ABCA6: variants seen among roughly 807,000 people sequenced by gnomAD.
ABCA6 encodes the protein ATP-binding cassette sub-family A member 6.
A neutral mutation model predicts 191.2 loss-of-function variants in ABCA6; 164 were observed. The ratio of observed to expected loss-of-function variants is 0.86; its 90% CI spans 0.76 to 0.98. The LOEUF (loss-of-function observed/expected upper bound fraction) is 0.98, where lower values mean the gene tolerates loss of function less well. Among genes scored for constraint, ABCA6 ranks in the 50% least tolerant of loss-of-function variants. The pLI, the probability that ABCA6 is intolerant of heterozygous loss-of-function variation, is 0.00. For synonymous variants in ABCA6, 636 were observed against 647.7 expected (o/e 0.98, Z 0.27); for missense variants, 1,958 against 1,894.1 (o/e 1.03, Z -0.63).
chr17:69,129,113 T>C (rs1298844713), intron 7 of ABCA6, among the ~76,000 whole-genome samples: 3 of 152,090 alleles, frequency 2.0e-5, no homozygotes, highest in Non-Finnish European at 4.4e-5. Flanking sequence ...GCTAAATTAA[T>C]GTAAGAAGGA....
intron 27 of ABCA6, among the ~76,000 whole-genome samples, chr17:69,088,789 T>A (rs1242501842): frequency 6.6e-6 from 1 of 152,168 alleles, no homozygotes; most frequent in African/African-American, 2.4e-5. Flanking sequence ...ACCTCTCGCT[T>A]TATCCCATGA....
chr17:69,091,227 A>G lies in ABCA6; in HGVS notation c.3444T>C (p.Asn1148=). 1 of 1,612,096 alleles carries G rather than the reference A, an allele frequency of 6.2e-7. No individual in the cohort carries two copies. Among genetic ancestry groups the G allele is most frequent in the Non-Finnish European group, 8.5e-7 (1 of 1,179,512 alleles). ...STIMFSITLI[N]HFDLSILITT... ...TAATCAATATACTTAGGTCAAAATG[A>G]TTGATTAAAGTGATGGAAAACATGA... The change falls in exon 26 of 39, where the codon AAT becomes AAC. Residue 1148 remains asparagine, a synonymous_variant. Transcript: ENST00000284425.
chr17:69,137,432 C>T lies in ABCA6; in HGVS notation c.165G>A (p.Gln55=), dbSNP rs1306651917. ...ALFSSSMRNV[Q]FPGMAPQNLG... ...GATTCTGAGGAGCCATTCCAGGAAA[C>T]TGGACATTTCTCATGGAACTGGAAA... Residue 55 remains glutamine (Q), a synonymous_variant, in exon 3 of 39, where the codon CAG becomes CAA. Transcript: ENST00000284425. 1.9e-6 allele frequency: 3 copies of T among 1,613,706 alleles called. No individual in the cohort carries two copies. Among genetic ancestry groups the T allele is most frequent in the Non-Finnish European group, 1.7e-6 (2 of 1,179,786 alleles).
intron 22 of ABCA6, 190 bp from the exon 23 acceptor site, chr17:69,098,217 G>A (rs1293128614): frequency 1.1e-5 from 5 of 450,512 alleles, no homozygotes; most frequent in Non-Finnish European, 1.5e-5. Context: ...GAAGTCAAAA[G>A]TCATTTAGGA....
At chr17:69,089,587 C>G in intron 26 of ABCA6, 45 bp from the exon 27 acceptor site, 1 of 1,454,612 alleles carries the variant, frequency 6.9e-7, no homozygotes, top group Non-Finnish European at 9.5e-7. Context: ...GATAATTCAT[C>G]TGCTTTATGA....
At chr17:69,112,724 T>A (rs9895546) in intron 15 of ABCA6, 156 of 157,026 alleles carry the variant, frequency 9.9e-4, no homozygotes, top group African/African-American at 3.6e-3. Context: ...TATTTGGTGA[T>A]GAATACACCA....
At position 69,089,444 on chromosome 17, in the gene ABCA6, G is replaced by A. The variant is rs146213175; in HGVS notation, c.3606+21C>T. On this transcript the variant is annotated intron_variant, in intron 27 of 38. Transcript: ENST00000284425. ...ACAGTCATCCAAAAGAATGTGTGCT[G>A]AGGTGGAAAGCCCTTCTTACTATGA... is the stretch of plus-strand genomic sequence containing the variant. The A allele has an allele frequency of 7.2e-4, 1,152 of 1,607,806 alleles. 12 individuals carry two copies. The African/African-American group carries it at 0.013, about 19-fold the overall frequency.
At position 69,086,698 on chromosome 17, in the gene ABCA6, T is replaced by C. The variant is rs756329550; in HGVS notation, c.3857A>G (p.Tyr1286Cys). ...AAAGCAACTTTTCTTCTGGCCTGCA[T>C]ATTCTTTGTGTAGACAGCTGGCAAT... ...VIIASCLHKE[Y>C]AGQKKSCFSK... The change falls in exon 30 of 39, where the codon TAT becomes TGT. Residue 1286 changes from tyrosine (Y) to cysteine (C), a missense_variant. By Grantham distance (194) the Tyr-to-Cys change is radical. Transcript: ENST00000284425. 5.6e-6 allele frequency: 9 copies of C among 1,612,764 alleles called. No individual in the cohort carries two copies. Among genetic ancestry groups the C allele is most frequent in the Non-Finnish European group, 7.6e-6 (9 of 1,179,300 alleles).
At chr17:69,136,735 T>C (rs535727917) in intron 3 of ABCA6, among the ~76,000 whole-genome samples, 31 of 152,204 alleles carry the variant, frequency 2.0e-4, no homozygotes, top group South Asian at 1.2e-3. Context: ...AATAGCCAAA[T>C]TGCACCCAAT....
chr17:69,125,472 C>T lies in ABCA6; in HGVS notation c.1120-437G>A, dbSNP rs551314364. 9.9e-5 allele frequency among the ~76,000 whole-genome samples: 15 copies of T among 152,084 alleles called. No individual in the cohort carries two copies. The East Asian group carries it at 1.4e-3, about 14-fold the overall frequency. ...TTAGAATTTTGCCACATAATAACAG[C>T]GACTATGTTCTAGGCACTGTCCTAA... is the stretch of plus-strand genomic sequence containing the variant. On this transcript the variant is annotated intron_variant, in intron 8 of 38. Transcript: ENST00000284425.
Position 69,106,049 on chromosome 17 carries a change from T to G in ABCA6, c.2552A>C (p.Gln851Pro), listed in dbSNP as rs1489615942. ...ARLRFLKLKR[Q>P]TKVLLTLLLV... is the part of the protein sequence containing the mutation. ...TCACAGGGTCAATAACACTTTAGTT[T>G]GACGTTTTAACTTTAAGAAACGGAG... is the stretch of plus-strand genomic sequence containing the variant. The change falls in exon 19 of 39, where the codon CAA (glutamine) becomes CCA (proline). Residue 851 changes from glutamine to proline, a missense_variant. Gln to Pro is a moderately conservative substitution (Grantham distance 76). Coordinates refer to ENST00000284425, the MANE Select transcript of ABCA6 (RefSeq NM_080284.3). The G allele has an allele frequency of 4.3e-6, 7 of 1,612,304 alleles. No individual in the cohort carries two copies. Among genetic ancestry groups the G allele is most frequent in the African/African-American group, 2.7e-5 (2 of 74,820 alleles).
chr17:69,099,242 G>A (rs1025295556), intron 22 of ABCA6, among the ~76,000 whole-genome samples: 1 of 152,164 alleles, frequency 6.6e-6, no homozygotes. Flanking sequence ...CAGGATAACA[G>A]CATGAGCCTG....
intron 26 of ABCA6, among the ~76,000 whole-genome samples, chr17:69,090,332 C>T (rs993630048): frequency 6.6e-6 from 1 of 152,176 alleles, no homozygotes; most frequent in Non-Finnish European, 1.5e-5. Context: ...CTGGCCTCAT[C>T]GTATACTTTT....
At chr17:69,132,037 C>G (rs919627581) in intron 6 of ABCA6, among the ~76,000 whole-genome samples, 3 of 152,120 alleles carry the variant, frequency 2.0e-5, no homozygotes, top group African/African-American at 7.2e-5. Context: ...TATTTGAAGA[C>G]ACAGGTTCCT....
intron 13 of ABCA6, among the ~76,000 whole-genome samples, chr17:69,114,274 T>C (rs1283000860): frequency 6.6e-6 from 1 of 151,978 alleles, no homozygotes; most frequent in Non-Finnish European, 1.5e-5. Flanking sequence ...GGGACATGGA[T>C]GAAGCTGGAA....
chr17:69,084,376 C>T, intron 33 of ABCA6, 21 bp from the exon 34 acceptor site: 1 of 1,614,100 alleles, frequency 6.2e-7, no homozygotes, highest in Non-Finnish European at 8.5e-7. Flanking sequence ...GAAAAACACC[C>T]CTGTTTGCTG....
At chr17:69,132,559 C>T (rs1483849477) in intron 6 of ABCA6, among the ~76,000 whole-genome samples, 2 of 152,230 alleles carry the variant, frequency 1.3e-5, no homozygotes, top group Non-Finnish European at 2.9e-5. Context: ...CAGTTCGCTG[C>T]AGCCTCTGCC....
intron 28 of ABCA6, among the ~76,000 whole-genome samples, 155 bp downstream of exon 28, chr17:69,088,012 T>C (rs1406396132): frequency 6.6e-6 from 1 of 152,212 alleles, no homozygotes; most frequent in East Asian, 1.9e-4. Context: ...GGGAGTTCTA[T>C]CTCTTGGCAG....
chr17:69,111,972 T>G, intron 16 of ABCA6: 1 of 476,938 alleles, frequency 2.1e-6, no homozygotes, highest in Non-Finnish European at 3.7e-6. Flanking sequence ...CTGTGAAAAG[T>G]CAGGCTTGGT....
Sources: gnomAD v4.1 joint callset for allele counts (sites outside exome capture counted in the v4.1 genomes callset) on GRCh38, gnomAD v4.1.1 for gene constraint, MANE v1.5 for transcripts, NCBI Gene and HGNC (gene_info 2026-07-23, HGNC 2026-07-21) for gene names.